The following ABI1 variants were observed in gnomAD, a reference collection of about 807,000 sequenced individuals.
ABI1 encodes the protein Abelson interactor 1.
In ABI1, 14 loss-of-function variants were observed where a neutral mutation model predicts 54.6. The observed-to-expected ratio is 0.26, with a 90% CI of 0.17 to 0.40. The LOEUF (loss-of-function observed/expected upper bound fraction) is 0.40. ABI1 is among the 10% of genes least tolerant of loss of function. ABI1 has a pLI of 1.00. For missense variants in ABI1, 443 were observed against 598.3 expected (o/e 0.74, Z 2.71); for synonymous variants, 194 against 209.3 (o/e 0.93, Z 0.63).
intron 6 of ABI1, among the ~76,000 whole-genome samples, chr10:26,766,616 C>G (rs1030480886): frequency 1.3e-5 from 2 of 152,104 alleles, no homozygotes; most frequent in African/African-American, 4.8e-5. Flanking sequence ...CTCCCTCAAG[C>G]CAGGTGATCA....
intron 1 of ABI1, among the ~76,000 whole-genome samples, chr10:26,843,466 AAAAAAAAAAAAAAAAAAAAATAT>A (rs1451117454): frequency 2.5e-5 from 2 of 81,208 alleles, no homozygotes; most frequent in East Asian, 3.9e-4. Flanking sequence ...AAAAAAAAAA[AAAAAAAAAAAAAAAAAAAAATAT>A]ATATATATAT....
At chr10:26,792,048 CAAGCAA>C (rs1170654231) in intron 2 of ABI1, among the ~76,000 whole-genome samples, 2 of 151,998 alleles carry the variant, frequency 1.3e-5, no homozygotes, top group Non-Finnish European at 1.5e-5. Flanking sequence ...AGCCCAAACA[CAAGCAA>C]AATTAAACAA....
intron 1 of ABI1, among the ~76,000 whole-genome samples, chr10:26,827,165 G>A (rs924088288): frequency 2.0e-5 from 3 of 151,434 alleles, no homozygotes; most frequent in African/African-American, 2.4e-5. Context: ...CACCAGCCTC[G>A]GCCTCCCAAA....
chr10:26,749,601 C>T (rs978611027), intron 10 of ABI1, among the ~76,000 whole-genome samples: 1 of 152,108 alleles, frequency 6.6e-6, no homozygotes, highest in African/African-American at 2.4e-5. Context: ...TTTCCACTTG[C>T]GGCATCATGT....
At chr10:26,857,954 G>C (rs1429292219) in intron 1 of ABI1, among the ~76,000 whole-genome samples, 1 of 151,882 alleles carries the variant, frequency 6.6e-6, no homozygotes. Flanking sequence ...AAAGTCAACA[G>C]AACCAAAGAA....
rs1268634138 is a variant in ABI1 at position 26,747,596 on chromosome 10, A to G, written c.*974T>C. ...GTACAACTGAAGGACTGACATGGCA[A>G]TCCTTAAGAATTTTACCTACAGAAT... On this transcript the variant is annotated 3_prime_UTR_variant, in exon 11 of 11. Coordinates refer to ENST00000376140, the MANE Select transcript of ABI1 (RefSeq NM_001012750.3). 3 of 199,450 alleles carry G rather than the reference A, an allele frequency of 1.5e-5. No homozygotes were observed. Among genetic ancestry groups the G allele is most frequent in the African/African-American group, 4.6e-5 (2 of 43,470 alleles). The allele number at this position is 199,450 out of a possible 1,614,324, so 12.4% of individuals were successfully genotyped here.
chr10:26,834,051 G>A (rs1284557737), intron 1 of ABI1, among the ~76,000 whole-genome samples: 1 of 152,010 alleles, frequency 6.6e-6, no homozygotes, highest in Admixed American at 6.6e-5. Flanking sequence ...CCAACATGGT[G>A]AAACCCCAGC....
intron 2 of ABI1, among the ~76,000 whole-genome samples, chr10:26,787,777 A>T (rs951770838): frequency 6.6e-5 from 10 of 152,036 alleles, no homozygotes; most frequent in African/African-American, 2.4e-4. Flanking sequence ...GTCTTAATAT[A>T]TGAGAGTCAA....
intron 6 of ABI1, 47 bp downstream of exon 6, chr10:26,768,805 G>C: frequency 6.4e-7 from 1 of 1,566,042 alleles, no homozygotes; most frequent in Non-Finnish European, 8.7e-7. Flanking sequence ...TCGCCAGTCA[G>C]TTACACCCAC....
At chr10:26,791,598 G>C (rs2133204902) in intron 2 of ABI1, among the ~76,000 whole-genome samples, 1 of 152,226 alleles carries the variant, frequency 6.6e-6, no homozygotes, top group Non-Finnish European at 1.5e-5. Context: ...AGGGAGGAGG[G>C]TAACTTGCCT....
intron 7 of ABI1, among the ~76,000 whole-genome samples, chr10:26,764,543 G>A (rs968001010): frequency 1.8e-4 from 28 of 152,054 alleles, no homozygotes; most frequent in African/African-American, 6.8e-4. Flanking sequence ...CTGGAGTATC[G>A]TACAATACTG....
rs184525797 is a variant in ABI1, at chr10:26,816,325, C to A, written c.285+6813G>T. Among the ~76,000 whole-genome samples the A allele has an allele frequency of 2.1e-3, 322 of 152,272 alleles. 5 individuals carry two copies. Among genetic ancestry groups the A allele is most frequent in the Admixed American group, 0.019 (292 of 15,296 alleles). On this transcript the variant is annotated intron_variant, in intron 2 of 10. Transcript: ENST00000376140. ...CAGGAATGCTAACATTGCTGCCATT[C>A]AGGAGACTACAGATATGCAGCCAGA...
chr10:26,800,348 G>A (rs1178444511), intron 2 of ABI1, among the ~76,000 whole-genome samples: 4 of 152,168 alleles, frequency 2.6e-5, no homozygotes, highest in African/African-American at 9.7e-5. Flanking sequence ...TCGCGCCACT[G>A]CACTCCAGCC....
Position 26,860,213 on chromosome 10 carries a change from A to T in ABI1, c.117+534T>A, listed in dbSNP as rs145028852. On this transcript the variant is annotated intron_variant, in intron 1 of 10. Coordinates refer to ENST00000376140, the MANE Select transcript of ABI1 (RefSeq NM_001012750.3). The surrounding 1 kb of genome is among the most constrained non-coding windows in gnomAD (Gnocchi z 4.1). Reference sequence around the variant, plus strand: ...ACACACCCTCTGGGGGCTGAAACTGACATAATCGCCCCCACCCCACCCTCC... The same window carrying T: ...ACACACCCTCTGGGGGCTGAAACTGTCATAATCGCCCCCACCCCACCCTCC... Among the ~76,000 whole-genome samples the T allele has an allele frequency of 2.2e-3, 334 of 152,128 alleles. 2 individuals are homozygous for T. The highest frequency in any genetic ancestry group is 3.3e-3 in the Non-Finnish European group (227 of 67,992).
chr10:26,816,267 A>G (rs2047558519), intron 2 of ABI1, among the ~76,000 whole-genome samples: 3 of 152,254 alleles, frequency 2.0e-5, no homozygotes, highest in African/African-American at 7.2e-5. Context: ...TTCGAATTGA[A>G]TGTAAATGGG....
intron 2 of ABI1, among the ~76,000 whole-genome samples, chr10:26,815,043 C>T (rs2047471824): frequency 6.6e-6 from 1 of 152,102 alleles, no homozygotes; most frequent in South Asian, 2.1e-4. Context: ...CACCACTCAA[C>T]AGCCAAGGTA....
At position 26,852,635 on chromosome 10, in the gene ABI1, C is replaced by T. The variant is rs74662690; in HGVS notation, c.117+8112G>A. Reference sequence around the variant, plus strand: ...TCCCATGGGTTCTGAAAAAGTGCCACACTTGCCTTTCCATAGAAGGAAAAA... The same window carrying T: ...TCCCATGGGTTCTGAAAAAGTGCCATACTTGCCTTTCCATAGAAGGAAAAA... On this transcript the variant is annotated intron_variant, in intron 1 of 10. Transcript: ENST00000376140. Among the ~76,000 whole-genome samples, 423 of 152,270 alleles carry T rather than the reference C, an allele frequency of 2.8e-3. 1 individual carries two copies. Among genetic ancestry groups the T allele is most frequent in the African/African-American group, 9.8e-3 (407 of 41,550 alleles).
chr10:26,774,673 T>C (rs1841157411), intron 3 of ABI1, among the ~76,000 whole-genome samples: 1 of 152,118 alleles, frequency 6.6e-6, no homozygotes, highest in Admixed American at 6.6e-5. Context: ...GTAAATACTA[T>C]TTAAATAAAA....
chr10:26,798,818 G>A (rs537339931), intron 2 of ABI1, among the ~76,000 whole-genome samples: 1 of 151,166 alleles, frequency 6.6e-6, no homozygotes, highest in African/African-American at 2.4e-5. Flanking sequence ...CTTATCAATG[G>A]TATATCCCTT....
Sources: allele counts gnomAD v4.1 joint callset (sites outside exome capture counted in the v4.1 genomes callset), GRCh38; gene constraint gnomAD v4.1.1; non-coding constraint Gnocchi (gnomAD v3.1); transcripts MANE v1.5; gene names NCBI Gene and HGNC (gene_info 2026-07-23, HGNC 2026-07-21).